BAZ2B: variants seen among roughly 807,000 people sequenced by gnomAD.
The protein encoded by BAZ2B is bromodomain adjacent to zinc finger domain protein 2B.
BAZ2B carries 91 observed loss-of-function variants against 246.0 expected under a neutral mutation model. The ratio of observed to expected loss-of-function variants is 0.37; its 90% CI spans 0.31 to 0.44. The LOEUF is 0.44. Among genes scored for constraint, BAZ2B ranks in the 20% least tolerant of loss-of-function variants. The probability of loss-of-function intolerance (pLI) is 1.00; values close to 1 mark genes in which losing one functional copy is unlikely to be tolerated. For missense variants in BAZ2B, 2,332 were observed against 2,533.7 expected (o/e 0.92, Z 1.71); for synonymous variants, 855 against 860.0 (o/e 0.99, Z 0.10).
Position 159,477,016 on chromosome 2 carries a change from T to C in BAZ2B, c.145+1559A>G, listed in dbSNP as rs980236663. ...AAGTTATATTGATTTTTAAAAAATA[T>C]ATAGTGCGGCTGGGCGCGGTGGCTC... On this transcript the variant is annotated intron_variant, in intron 3 of 36. Transcript: ENST00000392783. Among the ~76,000 whole-genome samples the C allele has an allele frequency of 2.6e-5, 4 of 152,148 alleles. No homozygotes were observed. In the South Asian group the frequency reaches 8.3e-4, roughly 32 times the overall value.
chr2:159,599,632 A>G (rs1384161297), intron 1 of BAZ2B, among the ~76,000 whole-genome samples: 1 of 148,520 alleles, frequency 6.7e-6, no homozygotes, highest in East Asian at 2.0e-4. Flanking sequence ...AAAAAAAAAG[A>G]AAAAAGAAAA....
intron 3 of BAZ2B, among the ~76,000 whole-genome samples, chr2:159,466,655 A>G (rs937156966): frequency 6.6e-6 from 1 of 152,224 alleles, no homozygotes; most frequent in Non-Finnish European, 1.5e-5. Context: ...AATTTATTAT[A>G]TATGATTTAT....
chr2:159,383,795 G>A, intron 23 of BAZ2B, 115 bp from the exon 24 acceptor site: 1 of 833,050 alleles, frequency 1.2e-6, no homozygotes, highest in Non-Finnish European at 1.9e-6. Flanking sequence ...AAGTAAAAAT[G>A]ATACAACTGA....
intron 23 of BAZ2B, 96 bp from the exon 24 acceptor site, chr2:159,383,776 T>C (rs2062289953): frequency 2.9e-6 from 3 of 1,050,498 alleles, no homozygotes; most frequent in Non-Finnish European, 4.2e-6. Flanking sequence ...AATTAATGCA[T>C]TTTTGAATAA....
chr2:159,581,408 A>G (rs1487631864), intron 1 of BAZ2B, among the ~76,000 whole-genome samples: 1 of 152,230 alleles, frequency 6.6e-6, no homozygotes, highest in African/African-American at 2.4e-5. Context: ...CGATCATTAA[A>G]AAGTCAGGAA....
At chr2:159,501,645 T>C (rs1012060925) in intron 2 of BAZ2B, among the ~76,000 whole-genome samples, 1 of 152,186 alleles carries the variant, frequency 6.6e-6, no homozygotes, top group African/African-American at 2.4e-5. Flanking sequence ...TGTAGTCTTA[T>C]GATAAAACCA....
At chr2:159,356,753 C>T (rs1268740748) in intron 27 of BAZ2B, among the ~76,000 whole-genome samples, 1 of 152,142 alleles carries the variant, frequency 6.6e-6, no homozygotes, top group Non-Finnish European at 1.5e-5. Flanking sequence ...GTGGGTGCCC[C>T]TGTGGGACGA....
intron 34 of BAZ2B, among the ~76,000 whole-genome samples, chr2:159,327,430 T>A (rs1169593028): frequency 6.6e-6 from 1 of 152,196 alleles, no homozygotes; most frequent in African/African-American, 2.4e-5. Context: ...TCCAACACTT[T>A]CACCATATGA....
At chr2:159,384,475 T>C (rs1297968235) in intron 23 of BAZ2B, among the ~76,000 whole-genome samples, 1 of 152,072 alleles carries the variant, frequency 6.6e-6, no homozygotes, top group African/African-American at 2.4e-5. Flanking sequence ...AATATTTGGA[T>C]TGATCCTTTT....
intron 3 of BAZ2B, among the ~76,000 whole-genome samples, chr2:159,468,056 C>T (rs553961408): frequency 2.0e-5 from 3 of 152,276 alleles, no homozygotes; most frequent in East Asian, 3.9e-4. Context: ...ACTATCCAAA[C>T]GCCTAGCTGC....
chr2:159,365,942 C>T (rs1384262830), intron 27 of BAZ2B, among the ~76,000 whole-genome samples: 1 of 152,198 alleles, frequency 6.6e-6, no homozygotes, highest in Non-Finnish European at 1.5e-5. Context: ...GCAGCGATCC[C>T]ACACAATGAC....
chr2:159,667,008 A>T, the BAZ2B span, among the ~76,000 whole-genome samples: 6 of 152,016 alleles, frequency 3.9e-5, no homozygotes, highest in South Asian at 2.1e-4. Context: ...TGATGGGTTG[A>T]TGGGTGCAGC....
At chr2:159,555,736 T>C (rs543032735) in intron 2 of BAZ2B, 87 bp downstream of exon 2, 1 of 152,272 alleles carries the variant, frequency 6.6e-6, no homozygotes, top group African/African-American at 2.4e-5. Context: ...AAATAATAAT[T>C]TCAAATTATA....
At chr2:159,489,628 G>A (rs1454716420) in intron 2 of BAZ2B, among the ~76,000 whole-genome samples, 1 of 152,158 alleles carries the variant, frequency 6.6e-6, no homozygotes, top group East Asian at 1.9e-4. Flanking sequence ...GAAATGCCAG[G>A]TGTGATGGCT....
chr2:159,435,391 C>G (rs2072047717), intron 8 of BAZ2B: 1 of 150,614 alleles, frequency 6.6e-6, no homozygotes. Flanking sequence ...GAGTCTCACT[C>G]TGTTGCCAGG....
chr2:159,665,834 T>C, the BAZ2B span, among the ~76,000 whole-genome samples: 1 of 152,234 alleles, frequency 6.6e-6, no homozygotes, highest in African/African-American at 2.4e-5. Flanking sequence ...ACGTCCACCA[T>C]CAGTGTTTGC....
chr2:159,631,168 C>T, the BAZ2B span, among the ~76,000 whole-genome samples: 3 of 151,968 alleles, frequency 2.0e-5, no homozygotes, highest in Admixed American at 1.3e-4. Context: ...TGCATTCCAG[C>T]CTGGGCAACA....
chr2:159,523,051 G>A (rs959442325), intron 2 of BAZ2B, among the ~76,000 whole-genome samples: 1 of 152,106 alleles, frequency 6.6e-6, no homozygotes, highest in South Asian at 2.1e-4. Context: ...AGGATCACTT[G>A]AGGCCAGGAG....
chr2:159,492,728 CTG>C (rs1467902311), intron 2 of BAZ2B, among the ~76,000 whole-genome samples: 2 of 152,220 alleles, frequency 1.3e-5, no homozygotes, highest in African/African-American at 2.4e-5. Context: ...TTTATCAAGT[CTG>C]TTTCAAAATT....
Sources: allele counts gnomAD v4.1 joint callset (sites outside exome capture counted in the v4.1 genomes callset), GRCh38; gene constraint gnomAD v4.1.1; transcripts MANE v1.5; gene names NCBI Gene and HGNC (gene_info 2026-07-23, HGNC 2026-07-21).